MAD1L1: variants seen among roughly 807,000 people sequenced by gnomAD.
MAD1L1 encodes mitotic spindle assembly checkpoint protein MAD1.
In MAD1L1, 95 loss-of-function variants were observed where a neutral mutation model predicts 96.9. The ratio of observed to expected loss-of-function variants is 0.98; its 90% CI spans 0.83 to 1.16. The LOEUF is 1.16. Ranked by LOEUF, MAD1L1 falls within the 50% of genes most tolerant of loss-of-function variation. The pLI is 0.00. For synonymous variants in MAD1L1, 473 were observed against 396.6 expected (o/e 1.19, Z -2.29); for missense variants, 1,007 against 954.4 (o/e 1.06, Z -0.73).
chr7:2,067,127 G>A (rs765002508), intron 12 of MAD1L1, among the ~76,000 whole-genome samples: 9 of 152,134 alleles, frequency 5.9e-5, no homozygotes, highest in Admixed American at 1.3e-4. Context: ...CAACAACAAG[G>A]TGCACTCAAG....
At chr7:2,095,789 A>G (rs941056040) in intron 11 of MAD1L1, among the ~76,000 whole-genome samples, 2 of 152,218 alleles carry the variant, frequency 1.3e-5, no homozygotes, top group Non-Finnish European at 2.9e-5. Context: ...CAATAGGGAC[A>G]GCTGTGGGTG....
At chr7:1,953,230 G>A (rs144500655) in intron 16 of MAD1L1, among the ~76,000 whole-genome samples, 44 of 152,276 alleles carry the variant, frequency 2.9e-4, no homozygotes, top group Middle Eastern at 3.4e-3. Flanking sequence ...AACGGTCTCC[G>A]TGTGCTTCCA....
chr7:2,231,162 G>A (rs1027098786), intron 1 of MAD1L1, among the ~76,000 whole-genome samples: 2 of 152,116 alleles, frequency 1.3e-5, no homozygotes, highest in Non-Finnish European at 2.9e-5. Flanking sequence ...GCCGGGTGTG[G>A]TGGTGTGCGC....
At chr7:1,818,839 T>G (rs11765459) in intron 18 of MAD1L1, among the ~76,000 whole-genome samples, 38,453 of 149,766 alleles carry the variant, frequency 0.26, 5,144 homozygotes, top group South Asian at 0.36. Context: ...GATGCCCTAA[T>G]ATACCGCGCT....
At chr7:1,841,980 C>T (rs1427805237) in intron 18 of MAD1L1, among the ~76,000 whole-genome samples, 1 of 152,228 alleles carries the variant, frequency 6.6e-6, no homozygotes, top group East Asian at 1.9e-4. Flanking sequence ...GCTCGCCGCG[C>T]TCGGCCGCCA....
chr7:2,018,358 G>A (rs556986365), intron 12 of MAD1L1, among the ~76,000 whole-genome samples: 6 of 152,352 alleles, frequency 3.9e-5, no homozygotes, highest in Admixed American at 3.3e-4. Context: ...ATACACAGGC[G>A]ATGAATGCAC....
intron 11 of MAD1L1, among the ~76,000 whole-genome samples, chr7:2,081,594 A>C (rs943544887): frequency 1.6e-4 from 25 of 152,052 alleles, no homozygotes; most frequent in African/African-American, 5.6e-4. Flanking sequence ...GGACACCATC[A>C]TGCACCCCTT....
chr7:1,910,993 G>A (rs1464065587), intron 17 of MAD1L1, among the ~76,000 whole-genome samples: 1 of 152,198 alleles, frequency 6.6e-6, no homozygotes, highest in African/African-American at 2.4e-5. Context: ...GCCTGGTCTG[G>A]GCGCATCAGT....
intron 12 of MAD1L1, among the ~76,000 whole-genome samples, chr7:2,019,845 G>A (rs1226137444): frequency 6.6e-6 from 1 of 152,156 alleles, no homozygotes; most frequent in African/African-American, 2.4e-5. Context: ...ACTACAGAAC[G>A]CTTCGCCTCC....
At chr7:1,952,609 A>T (rs1779550752) in intron 16 of MAD1L1, among the ~76,000 whole-genome samples, 1 of 152,088 alleles carries the variant, frequency 6.6e-6, no homozygotes, top group East Asian at 1.9e-4. Context: ...CACGCATGGG[A>T]GGGGAGGGCT....
At chr7:2,050,645 G>A (rs539689890) in intron 12 of MAD1L1, among the ~76,000 whole-genome samples, 2 of 151,248 alleles carry the variant, frequency 1.3e-5, no homozygotes, top group South Asian at 4.3e-4. Flanking sequence ...CCCAGACTGT[G>A]GTGCAGGGAA....
chr7:2,152,839 C>T (rs1789646338), intron 10 of MAD1L1, among the ~76,000 whole-genome samples: 1 of 152,126 alleles, frequency 6.6e-6, no homozygotes, highest in Admixed American at 6.5e-5. Context: ...CAATCCAAGC[C>T]CATTTTCACA....
chr7:1,906,951 G>A (rs1452010696), intron 17 of MAD1L1, among the ~76,000 whole-genome samples: 2 of 152,184 alleles, frequency 1.3e-5, no homozygotes, highest in South Asian at 2.1e-4. Flanking sequence ...TGAACATACA[G>A]CCTTCCCATG....
chr7:2,126,346 A>G lies in MAD1L1; in HGVS notation c.1073+22806T>C, dbSNP rs1005023863. ...AAGGGCAGCTTCGAATTCCATTTTC[A>G]ATAAACACACAGGCACTCGGGCATG... On this transcript the variant is annotated intron_variant, in intron 11 of 18. Coordinates refer to ENST00000265854, the MANE Select transcript of MAD1L1 (RefSeq NM_001013836.2). Among the ~76,000 whole-genome samples the G allele has an allele frequency of 2.6e-5, 4 of 152,220 alleles. 1 individual carries two copies. The highest frequency in any genetic ancestry group is 2.6e-4 in the Admixed American group (4 of 15,294).
In MAD1L1 at chr7:2,142,928, C is replaced by T. The variant is rs538987143; in HGVS notation, c.1073+6224G>A. On this transcript the variant is annotated intron_variant, in intron 11 of 18. Coordinates refer to ENST00000265854, the MANE Select transcript of MAD1L1 (RefSeq NM_001013836.2). The surrounding 1 kb of genome is among the most constrained non-coding windows in gnomAD (Gnocchi z 4.7). The stretch of plus-strand genomic sequence containing the variant: ...GTCACCTTGACCTCCCAGATGCCCC[C>T]ACCGCCTAACCCGTCTGATCATCAC... 2.0e-5 allele frequency among the ~76,000 whole-genome samples: 3 copies of T among 152,206 alleles called. 1 individual carries two copies. Among genetic ancestry groups the T allele is most frequent in the Admixed American group, 1.3e-4 (2 of 15,290 alleles).
In MAD1L1 at chr7:2,110,738, A is replaced by G. The variant is rs544011754; in HGVS notation, c.1073+38414T>C. ...TGTGACGGGCTTCACCAATTAATAA[A>G]AGCTACTTCTATACCGATACTCACC... On this transcript the variant is annotated intron_variant, in intron 11 of 18. Coordinates refer to ENST00000265854, the MANE Select transcript of MAD1L1 (RefSeq NM_001013836.2). Among the ~76,000 whole-genome samples, 20 of 152,260 alleles carry G rather than the reference A, an allele frequency of 1.3e-4. No individual in the cohort carries two copies. The Middle Eastern group carries it at 0.01, about 78-fold the overall frequency.
At chr7:2,157,144 G>C (rs1056914938) in intron 10 of MAD1L1, among the ~76,000 whole-genome samples, 1 of 152,228 alleles carries the variant, frequency 6.6e-6, no homozygotes, top group Non-Finnish European at 1.5e-5. Context: ...CAAGGTTATG[G>C]ACTTTTGATC....
At chr7:2,030,460 C>G (rs1783174042) in intron 12 of MAD1L1, among the ~76,000 whole-genome samples, 1 of 152,244 alleles carries the variant, frequency 6.6e-6, no homozygotes, top group African/African-American at 2.4e-5. Context: ...TGCTTCACTT[C>G]TTTCATGAAC....
At chr7:2,086,425 CA>C (rs1413715615) in intron 11 of MAD1L1, among the ~76,000 whole-genome samples, 1 of 152,246 alleles carries the variant, frequency 6.6e-6, no homozygotes, top group African/African-American at 2.4e-5. Context: ...ACAGGTCAGT[CA>C]GTCAGTGCCA....
Sources: allele counts gnomAD v4.1 joint callset (sites outside exome capture counted in the v4.1 genomes callset), GRCh38; gene constraint gnomAD v4.1.1; non-coding constraint Gnocchi (gnomAD v3.1); transcripts MANE v1.5; gene names NCBI Gene and HGNC (gene_info 2026-07-23, HGNC 2026-07-21).